Variants in GALNTL6 observed in about 807,000 individuals in gnomAD.
GALNTL6 encodes polypeptide N-acetylgalactosaminyltransferase like 6, also known as polypeptide N-acetylgalactosaminyltransferase-like 6.
GALNTL6 carries 46 observed loss-of-function variants against 73.7 expected under a neutral mutation model. The observed-to-expected ratio is 0.62, with a 90% confidence interval of 0.49 to 0.80. The LOEUF (loss-of-function observed/expected upper bound fraction) is 0.80, where lower values mean the gene tolerates loss of function less well. Ranked by LOEUF, GALNTL6 falls within the 30% of genes least tolerant of loss-of-function variation. The pLI, the probability that GALNTL6 is intolerant of heterozygous loss-of-function variation, is 0.00. For synonymous variants in GALNTL6, 259 were observed against 263.7 expected (o/e 0.98, Z 0.17); for missense variants, 604 against 755.0 (o/e 0.80, Z 2.34).
At position 172,481,116 on chromosome 4, in the gene GALNTL6, C is replaced by T. The variant is rs540255735; in HGVS notation, c.553+132427C>T. Among the ~76,000 whole-genome samples, 9 of 152,198 alleles carry T rather than the reference C, an allele frequency of 5.9e-5. No individual in the cohort carries two copies. The South Asian group carries it at 8.3e-4, about 14-fold the overall frequency. On this transcript the variant is annotated intron_variant, in intron 5 of 12. Transcript: ENST00000506823. ...GAGTTTGTTACTTCTGATGTTTGGA[C>T]GTGTTCGGAGTTTCTTCCTTCTGGT...
At chr4:172,609,276 A>G (rs917572517) in intron 5 of GALNTL6, among the ~76,000 whole-genome samples, 6 of 152,090 alleles carry the variant, frequency 3.9e-5, no homozygotes, top group African/African-American at 1.4e-4. Flanking sequence ...TGTTAACTGT[A>G]GGTTTGTCAT....
At chr4:172,931,001 A>T (rs1052986960) in intron 8 of GALNTL6, among the ~76,000 whole-genome samples, 160 bp from the exon 9 acceptor site, 1 of 151,980 alleles carries the variant, frequency 6.6e-6, no homozygotes, top group African/African-American at 2.4e-5. Flanking sequence ...TCTAGGTTTT[A>T]AAAAAAAGTG....
chr4:172,439,640 C>T (rs1230845875), intron 5 of GALNTL6, among the ~76,000 whole-genome samples: 2 of 151,786 alleles, frequency 1.3e-5, no homozygotes, highest in Admixed American at 6.6e-5. Context: ...ATGTTCAACC[C>T]TGACCATTCT....
chr4:172,205,680 C>G (rs1323286027), intron 2 of GALNTL6, among the ~76,000 whole-genome samples: 2 of 151,990 alleles, frequency 1.3e-5, no homozygotes, highest in Admixed American at 6.6e-5. Context: ...GAAGCTACTG[C>G]GATGTTTGTT....
At chr4:172,569,119 A>G (rs576094558) in intron 5 of GALNTL6, among the ~76,000 whole-genome samples, 7 of 152,302 alleles carry the variant, frequency 4.6e-5, no homozygotes, top group African/African-American at 1.4e-4. Context: ...GGACCAGTAT[A>G]ACCGAAAACC....
chr4:172,757,280 G>A (rs569030548), intron 5 of GALNTL6, among the ~76,000 whole-genome samples: 1 of 152,280 alleles, frequency 6.6e-6, no homozygotes, highest in South Asian at 2.1e-4. Context: ...CATTGGAATA[G>A]AAAATTCGTG....
At chr4:172,979,478 C>G (rs1226758911) in intron 10 of GALNTL6, among the ~76,000 whole-genome samples, 1 of 152,166 alleles carries the variant, frequency 6.6e-6, no homozygotes, top group African/African-American at 2.4e-5. Flanking sequence ...TTGTGACATT[C>G]TGAGTAGAGT....
At chr4:171,955,701 T>C (rs1460513083) in intron 2 of GALNTL6, among the ~76,000 whole-genome samples, 1 of 152,090 alleles carries the variant, frequency 6.6e-6, no homozygotes, top group Non-Finnish European at 1.5e-5. Context: ...AATATATTTT[T>C]ATCAATAATA....
chr4:172,616,147 C>G (rs1738719637), intron 5 of GALNTL6, among the ~76,000 whole-genome samples: 1 of 152,084 alleles, frequency 6.6e-6, no homozygotes, highest in Non-Finnish European at 1.5e-5. Flanking sequence ...GGAAACATGG[C>G]AAAGCCCCCA....
intron 2 of GALNTL6, among the ~76,000 whole-genome samples, chr4:172,015,342 T>C (rs1186405043): frequency 1.4e-4 from 21 of 152,086 alleles, no homozygotes; most frequent in Admixed American, 1.2e-3. Flanking sequence ...AAGGTATCTT[T>C]CATGTGATAT....
chr4:172,297,380 C>G (rs569568858), intron 3 of GALNTL6, among the ~76,000 whole-genome samples: 2 of 152,092 alleles, frequency 1.3e-5, no homozygotes, highest in East Asian at 3.9e-4. Flanking sequence ...TTTGTCATTT[C>G]TGGCTTTTGT....
chr4:172,555,684 C>T lies in GALNTL6; in HGVS notation c.553+206995C>T, dbSNP rs76472990. 3.3e-3 allele frequency among the ~76,000 whole-genome samples: 499 copies of T among 151,308 alleles called. 3 individuals are homozygous for T. Among genetic ancestry groups the T allele is most frequent in the African/African-American group, 0.011 (461 of 41,318 alleles). On this transcript the variant is annotated intron_variant, in intron 5 of 12. Transcript: ENST00000506823. ...CCCTATATTTAACATTCCCTAAATG[C>T]AAAAAAAATTCTGTGTTGCTGAAGC...
chr4:172,191,657 A>G lies in GALNTL6; in HGVS notation c.139-37999A>G, dbSNP rs1735592280. ...TTCACACAGACTTTCAAATTTTGGT[A>G]CAGACTATTCTCATTGTTTATTACA... On this transcript the variant is annotated intron_variant, in intron 2 of 12. Coordinates refer to ENST00000506823, the MANE Select transcript of GALNTL6 (RefSeq NM_001034845.3). 3.9e-5 allele frequency among the ~76,000 whole-genome samples: 6 copies of G among 152,340 alleles called. No homozygotes were observed. The South Asian group carries it at 1.0e-3, about 26-fold the overall frequency.
chr4:172,711,439 T>C lies in GALNTL6; in HGVS notation c.554-97922T>C, dbSNP rs528407078. On this transcript the variant is annotated intron_variant, in intron 5 of 12. Transcript: ENST00000506823. The stretch of plus-strand genomic sequence containing the variant: ...TCTGAGTAAAATAGGAAAAGAAGAT[T>C]CTGAGCTCAGTTGTGGCACAAACTC... 5.8e-3 allele frequency among the ~76,000 whole-genome samples: 877 copies of C among 152,186 alleles called. 7 individuals are homozygous for C. Among genetic ancestry groups the C allele is most frequent in the Non-Finnish European group, 9.1e-3 (616 of 68,008 alleles).
intron 5 of GALNTL6, among the ~76,000 whole-genome samples, chr4:172,724,933 C>T (rs1017099429): frequency 3.2e-4 from 49 of 152,230 alleles, no homozygotes; most frequent in African/African-American, 1.1e-3. Flanking sequence ...CAAGATATCA[C>T]CTGGGCTCTC....
Position 172,683,583 on chromosome 4 carries a change from A to G in GALNTL6, c.554-125778A>G, listed in dbSNP as rs56144313. Among the ~76,000 whole-genome samples, 937 of 152,322 alleles carry G rather than the reference A, an allele frequency of 6.2e-3. 9 individuals carry two copies. Among genetic ancestry groups the G allele is most frequent in the African/African-American group, 0.018 (734 of 41,580 alleles). On this transcript the variant is annotated intron_variant, in intron 5 of 12. Transcript: ENST00000506823. Reference sequence around the variant, plus strand: ...AAGTAATCTCATAGATTTACTAGAAATGATACAGATCTTATTATTTGTCAA... The same window carrying G: ...AAGTAATCTCATAGATTTACTAGAAGTGATACAGATCTTATTATTTGTCAA...
At chr4:172,186,651 T>G (rs999657753) in intron 2 of GALNTL6, among the ~76,000 whole-genome samples, 2 of 152,034 alleles carry the variant, frequency 1.3e-5, no homozygotes, top group African/African-American at 4.8e-5. Flanking sequence ...TCGAGGACAT[T>G]TTGCTAGGTC....
chr4:172,289,056 G>A (rs920113786), intron 3 of GALNTL6, among the ~76,000 whole-genome samples: 3 of 151,656 alleles, frequency 2.0e-5, no homozygotes, highest in African/African-American at 4.8e-5. Flanking sequence ...TATTTGAATC[G>A]TCTTATTTGT....
intron 5 of GALNTL6, among the ~76,000 whole-genome samples, chr4:172,429,286 G>A (rs535502408): frequency 1.9e-3 from 288 of 150,878 alleles, no homozygotes; most frequent in African/African-American, 6.5e-3. Context: ...ATCTCAGCTC[G>A]CTGCAACCTC....
Sources: gnomAD v4.1 joint callset for allele counts (sites outside exome capture counted in the v4.1 genomes callset) on GRCh38, gnomAD v4.1.1 for gene constraint, MANE v1.5 for transcripts, NCBI Gene and HGNC (gene_info 2026-07-23, HGNC 2026-07-21) for gene names.